The following MYH16 variants were observed in gnomAD, a reference collection of about 807,000 sequenced individuals.
MYH16 encodes putative uncharacterized protein MYH16.
chr7:99,299,855 G>C (rs1051364438), intron 37 of MYH16, among the ~76,000 whole-genome samples, 197 bp downstream of exon 18: 8 of 152,154 alleles, frequency 5.3e-5, no homozygotes, highest in African/African-American at 1.9e-4. Context: ...CGAAAGTCCA[G>C]ATTCTGGACA....
exon 24 of MYH16, chr7:99,283,614 C>G (rs1439528034): frequency 4.4e-6 from 2 of 456,584 alleles, no homozygotes. Context: ...AACCACCTGA[C>G]CAAAAATAAC....
chr7:99,291,113 G>A, intron 30 of MYH16: 1 of 285,254 alleles, frequency 3.5e-6, no homozygotes, highest in Non-Finnish European at 6.9e-6. Flanking sequence ...CAGGTTACCT[G>A]GATCTTGGCA....
chr7:99,276,927 CAGAGAAAGAGACAG>C (rs1440231755), intron 20 of MYH16, among the ~76,000 whole-genome samples: 2 of 150,656 alleles, frequency 1.3e-5, no homozygotes, highest in African/African-American at 4.9e-5. Context: ...AGAGATGAGA[CAGAGAAAGAGACAG>C]AGAGAAAGAC....
intron 18 of MYH16, among the ~76,000 whole-genome samples, chr7:99,268,166 G>A (rs1792005931): frequency 6.6e-6 from 1 of 152,190 alleles, no homozygotes; most frequent in Non-Finnish European, 1.5e-5. Flanking sequence ...CCTAGAACCT[G>A]CTGGAACTGT....
chr7:99,268,580 G>A (rs1209043004), intron 18 of MYH16, among the ~76,000 whole-genome samples: 1 of 152,214 alleles, frequency 6.6e-6, no homozygotes, highest in East Asian at 1.9e-4. Context: ...AAGGCCCAGG[G>A]CTGCTGGGGA....
At chr7:99,281,541 G>A (rs1792198742) in intron 23 of MYH16, among the ~76,000 whole-genome samples, 1 of 152,182 alleles carries the variant, frequency 6.6e-6, no homozygotes, top group African/African-American at 2.4e-5. Flanking sequence ...CAGCCTGGGT[G>A]ACAGCGAGAC....
intron 11 of MYH16, among the ~76,000 whole-genome samples, chr7:99,258,652 C>G (rs1010248374): frequency 3.3e-5 from 5 of 152,084 alleles, no homozygotes; most frequent in African/African-American, 1.2e-4. Context: ...TACTGGCTAA[C>G]AAGAGCTGAT....
chr7:99,271,855 A>G (rs530234864), intron 19 of MYH16, among the ~76,000 whole-genome samples: 1 of 151,538 alleles, frequency 6.6e-6, no homozygotes, highest in African/African-American at 2.4e-5. Context: ...GCACTGTACC[A>G]CACCTGGCTA....
chr7:99,280,832 C>A, intron 22 of MYH16, 44 bp from the exon 5 acceptor site: 1 of 268,568 alleles, frequency 3.7e-6, no homozygotes, highest in African/African-American at 2.3e-5. Flanking sequence ...TGAGGACTCC[C>A]TCCAGCTTTA....
At chr7:99,296,330 T>C (rs539840016) in intron 33 of MYH16, among the ~76,000 whole-genome samples, 2 of 152,238 alleles carry the variant, frequency 1.3e-5, no homozygotes, top group South Asian at 4.1e-4. Context: ...TGAGTTGATG[T>C]GTAGTGTATA....
chr7:99,259,730 GTA>G (rs1202006986), intron 11 of MYH16, among the ~76,000 whole-genome samples: 1 of 147,326 alleles, frequency 6.8e-6, no homozygotes, highest in Non-Finnish European at 1.5e-5. Flanking sequence ...GTGTGTGTGT[GTA>G]TATATATATT....
intron 18 of MYH16, among the ~76,000 whole-genome samples, chr7:99,270,608 C>T (rs1792035492): frequency 1.3e-5 from 2 of 151,652 alleles, no homozygotes; most frequent in Non-Finnish European, 2.9e-5. Context: ...TGAGCCACTG[C>T]GCCCAGCCGA....
intron 36 of MYH16, among the ~76,000 whole-genome samples, chr7:99,298,218 T>C (rs113448833): frequency 8.5e-5 from 13 of 152,102 alleles, no homozygotes; most frequent in African/African-American, 2.9e-4. Context: ...TTTTTGGTTT[T>C]TTTGGGGGTT....
chr7:99,311,125 T>C (rs1162895252), downstream of MYH16: 1 of 152,118 alleles, frequency 6.6e-6, no homozygotes, highest in Non-Finnish European at 1.5e-5. Flanking sequence ...ATTAAAAAAA[T>C]AGACCAACTG....
intron 1 of MYH16, among the ~76,000 whole-genome samples, chr7:99,239,261 A>G (rs966111963): frequency 3.3e-5 from 5 of 152,250 alleles, no homozygotes; most frequent in Admixed American, 6.5e-5. Flanking sequence ...GACAGATCAC[A>G]TGAAAGCACT....
chr7:99,243,977 TCATC>T (rs547422876), intron 2 of MYH16, among the ~76,000 whole-genome samples: 72 of 148,254 alleles, frequency 4.9e-4, no homozygotes, highest in Non-Finnish European at 8.2e-4. Flanking sequence ...ATCCAAACAT[TCATC>T]CATCCATCCA....
chr7:99,243,499 G>C (rs557850304), intron 2 of MYH16: 1 of 152,600 alleles, frequency 6.6e-6, no homozygotes, highest in Admixed American at 6.6e-5. Context: ...TTGAGGAGGG[G>C]GTTGGCTACT....
At chr7:99,279,584 G>A (rs748573144) in exon 22 of MYH16, 31 of 456,554 alleles carry the variant, frequency 6.8e-5, no homozygotes, top group Non-Finnish European at 1.3e-4. Context: ...TAGAGAGCCA[G>A]ATCTCAGACA....
exon 42 of MYH16, chr7:99,306,618 G>A (rs1034826777): frequency 6.6e-6 from 1 of 152,662 alleles, no homozygotes; most frequent in African/African-American, 2.4e-5. Flanking sequence ...GGAGGACCAG[G>A]CCAACCAGAC....
Sources: gnomAD v4.1 joint callset for allele counts (sites outside exome capture counted in the v4.1 genomes callset) on GRCh38, gnomAD v4.1.1 for gene constraint, MANE v1.5 for transcripts, NCBI Gene and HGNC (gene_info 2026-07-23, HGNC 2026-07-21) for gene names.